The following MYO1G variants were observed in gnomAD, a reference collection of about 807,000 sequenced individuals.
MYO1G encodes myosin IG, also known as unconventional myosin-Ig.
MYO1G carries 65 observed loss-of-function variants against 115.3 expected under a neutral mutation model. The ratio of observed to expected loss-of-function variants is 0.56; its 90% confidence interval spans 0.46 to 0.69. The LOEUF (loss-of-function observed/expected upper bound fraction) is 0.69, where lower values mean the gene tolerates loss of function less well. Ranked by LOEUF, MYO1G falls within the 30% of genes least tolerant of loss-of-function variation. The pLI is 0.00. For synonymous variants in MYO1G, 510 were observed against 552.6 expected, an observed-to-expected ratio of 0.92 and a Z score of 1.08; for missense variants, 1,204 against 1,393.5, an observed-to-expected ratio of 0.86 and a Z score of 2.16.
At chr7:44,972,466 G>A (rs1794977403) in intron 5 of MYO1G, 1 of 495,714 alleles carries the variant, frequency 2.0e-6, no homozygotes, top group Non-Finnish European at 3.7e-6. Flanking sequence ...CACTGTTCTT[G>A]TGCCAGACCT....
Position 44,966,932 on chromosome 7 carries a change from G to C in MYO1G, c.1783-94C>G. ...GGCTTCCTAACCCCTCAAGGTCCCA[G>C]GCCAGGAGAAGAGTTGGGAACAAAG... On this transcript the variant is annotated intron_variant, in intron 14 of 21. Transcript: ENST00000258787. The surrounding 1 kb of genome is among the most constrained non-coding windows in gnomAD (Gnocchi z 5.0). 3.8e-6 allele frequency: 5 copies of C among 1,329,260 alleles called. No individual in the cohort carries two copies. In the South Asian group the frequency reaches 7.0e-5, roughly 19 times the overall value. 82.3% of individuals were successfully genotyped at this position (1,329,260 alleles called of 1,614,324 possible). A position where few individuals can be genotyped will look rare whatever the true frequency, so the allele number is the denominator to read the frequency against.
intron 1 of MYO1G, among the ~76,000 whole-genome samples, chr7:44,978,046 C>T (rs866253317): frequency 9.9e-5 from 15 of 152,230 alleles, no homozygotes; most frequent in Non-Finnish European, 1.9e-4. Context: ...GCTTAGCTCA[C>T]GTCCTGGCTA....
intron 6 of MYO1G, 62 bp from the exon 7 acceptor site, chr7:44,971,851 G>A: frequency 7.8e-7 from 1 of 1,277,456 alleles, no homozygotes; most frequent in South Asian, 1.3e-5. Context: ...TGTCTCCCTT[G>A]AGGCTTGATT....
intron 3 of MYO1G, among the ~76,000 whole-genome samples, chr7:44,976,260 T>C (rs555458129): frequency 7.2e-4 from 109 of 152,320 alleles, no homozygotes; most frequent in Non-Finnish European, 1.5e-3. Flanking sequence ...CCATGAGCCA[T>C]TTCAAGCATC....
Position 44,967,608 on chromosome 7 carries a change from G to A in MYO1G, c.1779C>T (p.Ser593=), listed in dbSNP as rs751032891. The change falls in exon 14 of 22, where the codon TCC becomes TCT. Residue 593 remains serine (S), a synonymous_variant. Transcript: ENST00000258787. ...GTGGGAGAGGGGTGGAACATACCTT[G>A]GAGGCAAGGTTCTCCACCAGGGCCA... is the stretch of plus-strand genomic sequence containing the variant. ...SMVALVENLA[S]KEPFYVRCIK... 10 of 1,613,826 alleles carry A rather than the reference G, an allele frequency of 6.2e-6. No homozygotes were observed. Among genetic ancestry groups the A allele is most frequent in the Non-Finnish European group, 8.5e-6 (10 of 1,180,014 alleles).
At position 44,963,389 on chromosome 7, in the gene MYO1G, C is replaced by A. The variant is rs896684195; in HGVS notation, c.2746-265G>T. On this transcript the variant is annotated intron_variant, in intron 20 of 21. Coordinates refer to ENST00000258787, the MANE Select transcript of MYO1G (RefSeq NM_033054.3). The surrounding 1 kb of genome is among the most constrained non-coding windows in gnomAD (Gnocchi z 4.1). ...TTGCTGTCCAACAGGGCCGCCACTG[C>A]TCACCTGTGGATGCTAAGCCCTTGC... is the stretch of plus-strand genomic sequence containing the variant. 2 of 474,326 alleles carry A rather than the reference C, an allele frequency of 4.2e-6. No individual in the cohort carries two copies. Among genetic ancestry groups the A allele is most frequent in the Non-Finnish European group, 7.4e-6 (2 of 271,620 alleles). The allele number at this position is 474,326 out of a possible 1,614,324, so 29.4% of individuals were successfully genotyped here.
intron 5 of MYO1G, chr7:44,973,816 A>G (rs1482870463): frequency 1.3e-5 from 2 of 151,424 alleles, no homozygotes; most frequent in African/African-American, 4.9e-5. Context: ...ATGTCCCAAA[A>G]TCTCCCATTT....
In MYO1G at chr7:44,966,380, G is replaced by A. The variant is rs1794844683; in HGVS notation, c.1950-100C>T. ...CCTGGGGAGATGGCAGGGATACAGAGTGTGTTCCTGGAGCACTTATGACAC... is the reference window on the plus strand; with the variant it reads ...CCTGGGGAGATGGCAGGGATACAGAATGTGTTCCTGGAGCACTTATGACAC... On this transcript the variant is annotated intron_variant, in intron 15 of 21. Transcript: ENST00000258787. This position sits in a 1 kb window ranked among gnomAD's most constrained non-coding sequence, Gnocchi z 5.0. The A allele has an allele frequency of 1.8e-6, 2 of 1,104,470 alleles. No individual in the cohort carries two copies. Among genetic ancestry groups the A allele is most frequent in the Admixed American group, 2.0e-5 (1 of 49,874 alleles). 68.4% of individuals were successfully genotyped at this position (1,104,470 alleles called of 1,614,324 possible).
In MYO1G at chr7:44,971,722, G is replaced by A; in HGVS notation, c.797C>T (p.Pro266Leu). Residue 266 changes from proline (P) to leucine (L), a missense_variant, in exon 7 of 22, where the codon CCT becomes CTT. Physicochemically the swap from Pro to Leu is moderately conservative, Grantham distance 98. Coordinates refer to ENST00000258787, the MANE Select transcript of MYO1G (RefSeq NM_033054.3). ...GCGATGCACAGACTCCACCTCTTCA[G>A]GACTGAAGCCGATGACCCTCATGGC... ...TEAMRVIGFSPEEVESVHRIL... is the reference protein window; with the variant it reads ...TEAMRVIGFSLEEVESVHRIL... 6.4e-7 allele frequency: 1 copy of A among 1,556,948 alleles called. No homozygotes were observed. The highest frequency in any genetic ancestry group is 8.7e-7 in the Non-Finnish European group (1 of 1,149,856).
In MYO1G at chr7:44,964,330, C is replaced by G. The variant is rs1321733092; in HGVS notation, c.2631+85G>C. 72 of 1,439,010 alleles carry G rather than the reference C, an allele frequency of 5.0e-5. No individual in the cohort carries two copies. Among genetic ancestry groups the G allele is most frequent in the South Asian group, 8.0e-5 (7 of 87,166 alleles). 89.1% of individuals were successfully genotyped at this position (1,439,010 alleles called of 1,614,324 possible). A position where few individuals can be genotyped will look rare whatever the true frequency, so the allele number is the denominator to read the frequency against. ...CCTCCATTTTCTCCCAAGTGCCCCC[C>G]CAAAACTCTGCACCAGCTTCTAACC... On this transcript the variant is annotated intron_variant, in intron 19 of 21. Transcript: ENST00000258787. This position sits in a 1 kb window ranked among gnomAD's most constrained non-coding sequence, Gnocchi z 5.1.
chr7:44,971,378 G>A (rs548509352), intron 7 of MYO1G, among the ~76,000 whole-genome samples: 27 of 152,330 alleles, frequency 1.8e-4, no homozygotes, highest in African/African-American at 6.3e-4. Context: ...GAGAACTGAG[G>A]CCAAGAGGCA....
chr7:44,977,224 C>A (rs1161030050), intron 1 of MYO1G, among the ~76,000 whole-genome samples, 153 bp from the exon 2 acceptor site: 1 of 152,216 alleles, frequency 6.6e-6, no homozygotes, highest in African/African-American at 2.4e-5. Context: ...CAGGTGTTGA[C>A]CTTGCGTCTC....
At position 44,966,842 on chromosome 7, in the gene MYO1G, C is replaced by A; in HGVS notation, c.1783-4G>T. The stretch of plus-strand genomic sequence containing the variant: ...TGCAGCGGACGTAGAAGGGCTCCTG[C>A]AGGGACAGAGGGGACTTGGAGAGGG... On this transcript the variant is annotated splice_polypyrimidine_tract_variant and splice_region_variant and intron_variant, in intron 14 of 21. Coordinates refer to ENST00000258787, the MANE Select transcript of MYO1G (RefSeq NM_033054.3). The surrounding 1 kb of genome is among the most constrained non-coding windows in gnomAD (Gnocchi z 5.0). 6.2e-7 allele frequency: 1 copy of A among 1,601,154 alleles called. No individual in the cohort carries two copies.
Position 44,964,087 on chromosome 7 carries a change from G to T in MYO1G, c.2707C>A (p.Arg903=), listed in dbSNP as rs762624367. ...ACGGCCCGCATCACCCGGTACTGCC[G>T]GTCAGGGTCCAGCTTGTAGAGGTGC... The part of the protein sequence containing the change: ...DQHLYKLDPD[R]QYRVMRAVPL... Residue 903 remains arginine (R), a synonymous_variant, in exon 20 of 22, where the codon CGG becomes AGG. Transcript: ENST00000258787. This position sits in a 1 kb window ranked among gnomAD's most constrained non-coding sequence, Gnocchi z 5.1. 1.2e-6 allele frequency: 2 copies of T among 1,605,918 alleles called. No individual in the cohort carries two copies. The highest frequency in any genetic ancestry group is 1.1e-5 in the South Asian group (1 of 89,298).
chr7:44,971,119 T>A, intron 7 of MYO1G, 60 bp from the exon 8 acceptor site: 1 of 1,485,780 alleles, frequency 6.7e-7, no homozygotes. Context: ...CCTGGACAAC[T>A]TTGGACAAGA....
At chr7:44,976,512 T>G in intron 3 of MYO1G, 52 bp downstream of exon 3, 3 of 1,563,064 alleles carry the variant, frequency 1.9e-6, no homozygotes, top group Non-Finnish European at 1.8e-6. Flanking sequence ...CCTGCCACAC[T>G]GAGGTCCCTG....
At position 44,977,082 on chromosome 7, in the gene MYO1G, C is replaced by A. The variant is rs1795068338; in HGVS notation, c.96-11G>T. 1 of 1,611,454 alleles carries A rather than the reference C, an allele frequency of 6.2e-7. No individual in the cohort carries two copies. Among genetic ancestry groups the A allele is most frequent in the African/African-American group, 1.3e-5 (1 of 74,700 alleles). ...CGGCCCTTCTCGAACCTGGACACAGCAGGGGTAGGCCTCAGCACTCACAGG... is the reference window on the plus strand; with the variant it reads ...CGGCCCTTCTCGAACCTGGACACAGAAGGGGTAGGCCTCAGCACTCACAGG... On this transcript the variant is annotated splice_polypyrimidine_tract_variant and intron_variant, in intron 1 of 21. Transcript: ENST00000258787.
At chr7:44,978,756 GC>G in intron 1 of MYO1G, 110 bp downstream of exon 1, 5 of 1,012,332 alleles carry the variant, frequency 4.9e-6, no homozygotes, top group Non-Finnish European at 6.1e-6. Context: ...GTGTGCCACT[GC>G]CCCCTCCCTT....
rs1794844155 is a variant in MYO1G at position 44,966,348 on chromosome 7, C to G, written c.1950-68G>C. 1.5e-6 allele frequency: 2 copies of G among 1,373,558 alleles called. No individual in the cohort carries two copies. The highest frequency in any genetic ancestry group is 2.0e-6 in the Non-Finnish European group (2 of 995,818). 85.1% of individuals were successfully genotyped at this position (1,373,558 alleles called of 1,614,324 possible). ...GAGATGATGGAGCCCACCCTGCCCA[C>G]CCCACACCTGGGGAGATGGCAGGGA... On this transcript the variant is annotated intron_variant, in intron 15 of 21. Transcript: ENST00000258787. The surrounding 1 kb of genome is among the most constrained non-coding windows in gnomAD (Gnocchi z 5.0).
Sources: gnomAD v4.1 joint callset for allele counts (sites outside exome capture counted in the v4.1 genomes callset) on GRCh38, gnomAD v4.1.1 for gene constraint, Gnocchi (gnomAD v3.1) non-coding constraint, MANE v1.5 for transcripts, NCBI Gene and HGNC (gene_info 2026-07-23, HGNC 2026-07-21) for gene names.